Variants in GRHPR observed in about 807,000 individuals in gnomAD.
The protein encoded by GRHPR is glyoxylate and hydroxypyruvate reductase, also known as glyoxylate reductase/hydroxypyruvate reductase.
Under a neutral mutation model 36.8 loss-of-function variants are expected in GRHPR, and 35 were observed. The observed-to-expected ratio is 0.95, with a 90% CI of 0.73 to 1.26. GRHPR has a LOEUF of 1.26. Ranked by LOEUF, GRHPR falls within the 50% of genes most tolerant of loss-of-function variation. The probability of loss-of-function intolerance (pLI) is 0.00; values close to 1 mark genes in which losing one functional copy is unlikely to be tolerated. For synonymous variants in GRHPR, 179 were observed against 181.0 expected (o/e 0.99, Z 0.09); for missense variants, 380 against 435.0 (o/e 0.87, Z 1.12).
intron 8 of GRHPR, chr9:37,433,833 G>C: frequency 2.6e-6 from 1 of 383,852 alleles, no homozygotes; most frequent in Admixed American, 4.5e-5. Flanking sequence ...CAGGGCCTTA[G>C]GTTGTCCGGG....
upstream of GRHPR, chr9:37,422,592 T>G: frequency 1.5e-6 from 1 of 672,076 alleles, no homozygotes; most frequent in East Asian, 2.8e-5. Context: ...CAGTCACCGC[T>G]CAGCCGCAAC....
In GRHPR at chr9:37,424,840, C is replaced by T. The variant is rs756622294; in HGVS notation, c.84-5C>T. 50 of 1,612,740 alleles carry T rather than the reference C, an allele frequency of 3.1e-5. No individual in the cohort carries two copies. The highest frequency in any genetic ancestry group is 5.0e-5 in the Admixed American group (3 of 59,976). ...CTTCTCCTGAGGGCCTCCCTTTCCC[C>T]GCAGCTGTGAGGTGGAGCAGTGGGA... On this transcript the variant is annotated splice_polypyrimidine_tract_variant and splice_region_variant and intron_variant, in intron 1 of 8. Coordinates refer to ENST00000318158, the MANE Select transcript of GRHPR (RefSeq NM_012203.2).
rs139554205 is a variant in GRHPR at position 37,436,675 on chromosome 9, A to G, written c.880A>G (p.Ile294Val). The G allele has an allele frequency of 8.1e-6, 13 of 1,613,872 alleles. No individual in the cohort carries two copies. Among genetic ancestry groups the G allele is most frequent in the African/African-American group, 1.3e-5 (1 of 74,868 alleles). The change falls in exon 9 of 9, where the codon ATT becomes GTT. Residue 294 changes from isoleucine (I) to valine (V), a missense_variant. Transcript: ENST00000318158. ...CTCCTTTCCAGTGATTCTGCCCCAC[A>G]TTGGCAGTGCCACCCACAGAACCCG... ...TLKNCVILPH[I>V]GSATHRTRNT...
intron 1 of GRHPR, 117 bp downstream of exon 1, chr9:37,422,950 C>T: frequency 1.4e-6 from 1 of 718,164 alleles, no homozygotes; most frequent in South Asian, 1.8e-5. Context: ...TGGGGAGTCT[C>T]GGAGAAAGTT....
intron 7 of GRHPR, 178 bp from the exon 8 acceptor site, chr9:37,431,830 G>T: frequency 1.6e-6 from 1 of 611,602 alleles, no homozygotes; most frequent in East Asian, 3.0e-5. Context: ...AAGGAGGCAG[G>T]GCTGGAGTTC....
chr9:37,426,202 AC>A, intron 3 of GRHPR: 1 of 611,306 alleles, frequency 1.6e-6, no homozygotes, highest in Non-Finnish European at 2.9e-6. Context: ...TGTAGGTGGC[AC>A]CCTTTCACAT....
intron 8 of GRHPR, among the ~76,000 whole-genome samples, chr9:37,433,509 C>G (rs2118898022): frequency 6.6e-6 from 1 of 152,284 alleles, no homozygotes; most frequent in South Asian, 2.1e-4. Flanking sequence ...GCTGGGATTA[C>G]AGGCATGAGT....
At position 37,436,789 on chromosome 9, in the gene GRHPR, A is replaced by G. The variant is rs1823686516; in HGVS notation, c.*7A>G. The G allele has an allele frequency of 2.5e-6, 4 of 1,613,974 alleles. No individual in the cohort carries two copies. The highest frequency in any genetic ancestry group is 1.3e-5 in the African/African-American group (1 of 75,000). On this transcript the variant is annotated 3_prime_UTR_variant, in exon 9 of 9. Transcript: ENST00000318158. The stretch of plus-strand genomic sequence containing the variant: ...TAGTGAACTCAAGCTGTAGCCAAAC[A>G]GTAGAGATGGAGGGCCGGGAAGCAA...
At chr9:37,438,188 G>C (rs963806270), downstream of GRHPR, 6 of 152,570 alleles carry the variant, frequency 3.9e-5, no homozygotes, top group African/African-American at 1.4e-4. Context: ...TGCCTTGATA[G>C]AACTCCTTGA....
At chr9:37,434,171 G>A in intron 8 of GRHPR, 1 of 399,296 alleles carries the variant, frequency 2.5e-6, no homozygotes, top group Non-Finnish European at 4.4e-6. Context: ...GCACTGGGCT[G>A]CAGCCATGTC....
chr9:37,434,096 G>A, intron 8 of GRHPR: 1 of 387,984 alleles, frequency 2.6e-6, no homozygotes, highest in African/African-American at 2.1e-5. Flanking sequence ...GGCAGGTCTT[G>A]GTCTGAGGAG....
rs201872828 is a variant in GRHPR, at chr9:37,432,035, G to A, written c.762G>A (p.Leu254=). 21 of 1,614,166 alleles carry A rather than the reference G, an allele frequency of 1.3e-5. No individual in the cohort carries two copies. In the East Asian group the frequency reaches 4.0e-4, roughly 31 times the overall value. The part of the protein sequence containing the change: ...SRGDVVNQDD[L]YQALASGKIA... ...GCGACGTCGTAAACCAGGACGACCT[G>A]TACCAGGCCTTGGCCAGTGGTAAGA... The change falls in exon 8 of 9, where the codon CTG becomes CTA. Residue 254 remains leucine (L), a synonymous_variant. Coordinates refer to ENST00000318158, the MANE Select transcript of GRHPR (RefSeq NM_012203.2).
At chr9:37,428,610 T>C (rs376674882) in intron 5 of GRHPR, 38 bp downstream of exon 5, 2 of 1,389,222 alleles carry the variant, frequency 1.4e-6, no homozygotes, top group Non-Finnish European at 2.0e-6. Flanking sequence ...GCCCCGGCTC[T>C]CACAGCGTGG....
rs2768657 is a variant in GRHPR at position 37,426,945 on chromosome 9, T to C, written c.404+291T>C. The stretch of plus-strand genomic sequence containing the variant: ...CAGCCCAGGTGACGGTGTGAGACTC[T>C]GTCTCAAAAAAAAAAAGAAAAATAA... On this transcript the variant is annotated intron_variant, in intron 4 of 8. Coordinates refer to ENST00000318158, the MANE Select transcript of GRHPR (RefSeq NM_012203.2). Among the ~76,000 whole-genome samples the C allele has an allele frequency of 0.98, 147,727 of 151,328 alleles. 72,194 individuals are homozygous for C. Among genetic ancestry groups the C allele is most frequent in the East Asian group, 1 (5,150 of 5,150 alleles).
Position 37,431,070 on chromosome 9 carries a change from C to T in GRHPR, c.734+424C>T, listed in dbSNP as rs548153033. The T allele has an allele frequency of 4.9e-5, 23 of 471,454 alleles. 1 individual carries two copies. Among genetic ancestry groups the T allele is most frequent in the African/African-American group, 3.0e-4 (15 of 50,216 alleles). 29.2% of individuals were successfully genotyped at this position (471,454 alleles called of 1,614,324 possible). ...ATACTTTGAACCTTATGCTCCTGGG[C>T]GGACAGACCCTAAAACTCACGTGGT... On this transcript the variant is annotated intron_variant, in intron 7 of 8. Transcript: ENST00000318158.
chr9:37,431,983 CCCATGTCACCA>C lies in GRHPR; in HGVS notation c.735-23_735-13del, dbSNP rs770034205. On this transcript the variant is annotated splice_polypyrimidine_tract_variant and intron_variant, in intron 7 of 8. Transcript: ENST00000318158. ...CCTGGGCGGAGGGATCTTCGGGGTA[CCCATGTCACCA>C]CTGTCATTCCCAGGGGCGACGTCGT... 1 of 1,613,422 alleles carries C rather than the reference CCCATGTCACCA, an allele frequency of 6.2e-7. No homozygotes were observed. Among genetic ancestry groups the C allele is most frequent in the Non-Finnish European group, 8.5e-7 (1 of 1,179,484 alleles).
chr9:37,425,085 T>C, intron 2 of GRHPR, 110 bp downstream of exon 2: 1 of 1,120,174 alleles, frequency 8.9e-7, no homozygotes, highest in Non-Finnish European at 1.3e-6. Context: ...TCTGAGGGCG[T>C]TTCCTGCGAT....
At chr9:37,437,476 A>ATCTT (rs1256230502), downstream of GRHPR, among the ~76,000 whole-genome samples, 4 of 152,146 alleles carry the variant, frequency 2.6e-5, no homozygotes, top group African/African-American at 9.7e-5. Context: ...TGGCACTTGA[A>ATCTT]TCTTGATACC....
intron 4 of GRHPR, chr9:37,427,808 A>T (rs1436479974): frequency 3.9e-5 from 6 of 153,346 alleles, no homozygotes; most frequent in African/African-American, 1.5e-4. Flanking sequence ...ACTGTACTCC[A>T]GTCTGGGCGA....
Sources: allele counts gnomAD v4.1 joint callset (sites outside exome capture counted in the v4.1 genomes callset), GRCh38; gene constraint gnomAD v4.1.1; transcripts MANE v1.5; gene names NCBI Gene and HGNC (gene_info 2026-07-23, HGNC 2026-07-21).